FER: variants seen among roughly 807,000 people sequenced by gnomAD.
FER encodes FER tyrosine kinase, also known as tyrosine-protein kinase Fer.
FER carries 63 observed loss-of-function variants against 111.0 expected under a neutral mutation model. The observed-to-expected ratio is 0.57, with a 90% CI of 0.46 to 0.70. The LOEUF (loss-of-function observed/expected upper bound fraction) is 0.70, where lower values mean the gene tolerates loss of function less well. Ranked by LOEUF, FER falls within the 30% of genes least tolerant of loss-of-function variation. FER has a pLI of 0.00. For synonymous variants in FER, 327 were observed against 313.9 expected (o/e 1.04, Z -0.44); for missense variants, 914 against 954.0 (o/e 0.96, Z 0.55).
chr5:108,946,248 A>G (rs1364316545), intron 11 of FER, 26 bp downstream of exon 11: 1 of 1,525,794 alleles, frequency 6.6e-7, no homozygotes, highest in Non-Finnish European at 9.1e-7. Flanking sequence ...TCTCTGTGCT[A>G]CTGAAAATGG....
chr5:109,158,521 T>G (rs1408335416), intron 17 of FER, among the ~76,000 whole-genome samples: 2 of 152,278 alleles, frequency 1.3e-5, no homozygotes, highest in African/African-American at 4.8e-5. Flanking sequence ...ACCAATCTTC[T>G]CCTAGAATTA....
chr5:109,164,898 A>G (rs1395359645), intron 17 of FER, among the ~76,000 whole-genome samples: 1 of 152,144 alleles, frequency 6.6e-6, no homozygotes, highest in Non-Finnish European at 1.5e-5. Context: ...TTTTAAACAG[A>G]TGAATCAACA....
chr5:108,787,311 A>G (rs1016842602), intron 2 of FER, among the ~76,000 whole-genome samples: 4 of 152,160 alleles, frequency 2.6e-5, no homozygotes, highest in East Asian at 1.9e-4. Context: ...GGTATCGACA[A>G]GCGTAGGAGG....
chr5:109,019,628 A>C (rs1350505686), intron 13 of FER, among the ~76,000 whole-genome samples: 2 of 151,804 alleles, frequency 1.3e-5, no homozygotes, highest in Admixed American at 6.6e-5. Context: ...ATGAGACATC[A>C]GTCATGTTTT....
chr5:108,872,809 AC>A (rs1272885983), intron 8 of FER, among the ~76,000 whole-genome samples: 4 of 152,236 alleles, frequency 2.6e-5, no homozygotes, highest in African/African-American at 9.6e-5. Context: ...AAGGTGCTCT[AC>A]TTCTAAATAT....
chr5:109,068,577 G>T (rs1358550597), intron 16 of FER, among the ~76,000 whole-genome samples: 1 of 152,318 alleles, frequency 6.6e-6, no homozygotes, highest in African/African-American at 2.4e-5. Flanking sequence ...ATACCTGGAA[G>T]TGACTTTTGC....
chr5:109,121,821 T>G (rs1276096317), intron 17 of FER, among the ~76,000 whole-genome samples: 3 of 152,144 alleles, frequency 2.0e-5, no homozygotes, highest in African/African-American at 4.8e-5. Context: ...GGTTCAATCT[T>G]GATAGGTTTT....
In FER at chr5:108,883,461, T is replaced by C. The variant is rs1446261370; in HGVS notation, c.989T>C (p.Val330Ala). Residue 330 changes from valine to alanine, a missense_variant, in exon 9 of 20, where the codon GTT (valine) becomes GCT (alanine). Transcript: ENST00000281092. ...ATGCTTTTAAACAAGGAGGAGGCTG[T>C]TTTGGAGTTAGAGAAGAGAATTGAA... is the stretch of plus-strand genomic sequence containing the variant. ...QQMLLNKEEA[V>A]LELEKRIEES... 1 of 1,609,054 alleles carries C rather than the reference T, an allele frequency of 6.2e-7. No homozygotes were observed. Among genetic ancestry groups the C allele is most frequent in the Non-Finnish European group, 8.5e-7 (1 of 1,176,782 alleles).
At chr5:109,042,163 A>G (rs2149895168) in intron 14 of FER, among the ~76,000 whole-genome samples, 1 of 152,262 alleles carries the variant, frequency 6.6e-6, no homozygotes, top group African/African-American at 2.4e-5. Context: ...AGAGGGAGAA[A>G]TGAAGATTAA....
At chr5:108,923,202 A>T (rs1753264846) in intron 10 of FER, among the ~76,000 whole-genome samples, 1 of 152,058 alleles carries the variant, frequency 6.6e-6, no homozygotes, top group Non-Finnish European at 1.5e-5. Context: ...ATAAAATTTT[A>T]TAAAATTATT....
intron 13 of FER, among the ~76,000 whole-genome samples, chr5:109,021,429 G>A (rs1024317023): frequency 1.5e-4 from 23 of 152,078 alleles, no homozygotes; most frequent in African/African-American, 5.1e-4. Flanking sequence ...TCATTTAATG[G>A]ATTGTAGACT....
chr5:108,971,323 G>T (rs1461054690), intron 13 of FER, among the ~76,000 whole-genome samples: 1 of 144,946 alleles, frequency 6.9e-6, no homozygotes, highest in African/African-American at 2.5e-5. Context: ...GAAATTCTCA[G>T]TACTGGAGAA....
intron 17 of FER, among the ~76,000 whole-genome samples, chr5:109,167,448 C>T (rs1304794577): frequency 6.6e-6 from 1 of 152,094 alleles, no homozygotes; most frequent in Admixed American, 6.6e-5. Flanking sequence ...TGATTCAGTT[C>T]CCAGATCAAA....
intron 13 of FER, among the ~76,000 whole-genome samples, chr5:109,031,041 C>G (rs1454239438): frequency 6.6e-6 from 1 of 152,086 alleles, no homozygotes; most frequent in Admixed American, 6.6e-5. Context: ...CTTAGGCCAG[C>G]TGGGAAAGGG....
At position 108,915,622 on chromosome 5, in the gene FER, G is replaced by T. The variant is rs1235916182; in HGVS notation, c.1236+17774G>T. On this transcript the variant is annotated intron_variant, in intron 10 of 19. Transcript: ENST00000281092. ...TTTTGGCAAGGGGATAAATTACTCT[G>T]TCCTAATTAAAATTTAATTTTGATG... 1.2e-4 allele frequency among the ~76,000 whole-genome samples: 17 copies of T among 145,402 alleles called. No individual in the cohort carries two copies. In the South Asian group the frequency reaches 3.5e-3, roughly 30 times the overall value.
Position 109,118,267 on chromosome 5 carries a change from A to G in FER, c.2048+17748A>G, listed in dbSNP as rs372285182. ...TTTCTTCATCTATTGAGATAATCAT[A>G]TGGTTTTTGTCGTTGGTTCTGTTTA... On this transcript the variant is annotated intron_variant, in intron 17 of 19. Transcript: ENST00000281092. Among the ~76,000 whole-genome samples the G allele has an allele frequency of 4.6e-5, 7 of 152,014 alleles. 1 individual carries two copies. In the South Asian group the frequency reaches 6.2e-4, roughly 13 times the overall value.
intron 14 of FER, among the ~76,000 whole-genome samples, chr5:109,038,653 T>A (rs939220686): frequency 6.6e-6 from 1 of 151,944 alleles, no homozygotes; most frequent in Non-Finnish European, 1.5e-5. Flanking sequence ...CTGGGTTTAT[T>A]TCCTCATCCT....
intron 3 of FER, chr5:108,820,560 C>T: frequency 1.0e-6 from 1 of 983,854 alleles, no homozygotes; most frequent in Non-Finnish European, 1.2e-6. Flanking sequence ...CTGGCCTGTT[C>T]TGTGTTTAGA....
chr5:109,010,233 C>A (rs1766066589), intron 13 of FER, among the ~76,000 whole-genome samples: 1 of 152,196 alleles, frequency 6.6e-6, no homozygotes, highest in Non-Finnish European at 1.5e-5. Context: ...TCTCGGCCCA[C>A]TGCAAGCTCC....
Sources: allele counts gnomAD v4.1 joint callset (sites outside exome capture counted in the v4.1 genomes callset), GRCh38; gene constraint gnomAD v4.1.1; transcripts MANE v1.5; gene names NCBI Gene and HGNC (gene_info 2026-07-23, HGNC 2026-07-21).